Variants in MRAS observed in about 807,000 individuals in gnomAD.
MRAS encodes ras-related protein M-Ras.
Under a neutral mutation model 20.9 loss-of-function variants are expected in MRAS, and 4 were observed. The observed-to-expected ratio is 0.19, with a 90% CI of 0.09 to 0.44. The LOEUF (loss-of-function observed/expected upper bound fraction) is 0.44. MRAS is among the 20% of genes least tolerant of loss of function. The pLI, the probability that MRAS is intolerant of heterozygous loss-of-function variation, is 0.99. For missense variants in MRAS, 154 were observed against 277.5 expected (o/e 0.56, Z 3.16); for synonymous variants, 98 against 102.9 (o/e 0.95, Z 0.29).
intron 1 of MRAS, among the ~76,000 whole-genome samples, chr3:138,367,081 G>C (rs1382156245): frequency 2.0e-5 from 3 of 152,208 alleles, no homozygotes; most frequent in Admixed American, 1.3e-4. Context: ...TTGCCATTTT[G>C]TGGGGGCTGT....
chr3:138,390,565 A>G (rs1393772674), intron 2 of MRAS, among the ~76,000 whole-genome samples: 4 of 152,224 alleles, frequency 2.6e-5, no homozygotes, highest in Admixed American at 6.5e-5. Flanking sequence ...AGGCAGGATC[A>G]TAATTTCTTA....
At chr3:138,378,860 A>G (rs2054840380) in intron 2 of MRAS, among the ~76,000 whole-genome samples, 1 of 151,954 alleles carries the variant, frequency 6.6e-6, no homozygotes, top group African/African-American at 2.4e-5. Flanking sequence ...TGTACCTATT[A>G]AACACTGACT....
chr3:138,400,475 T>C (rs2055336176), intron 4 of MRAS, 59 bp from the exon 5 acceptor site: 1 of 1,493,664 alleles, frequency 6.7e-7, no homozygotes, highest in South Asian at 1.1e-5. Flanking sequence ...TTTTTAAGGG[T>C]GTAACAGGGC....
chr3:138,397,263 C>T, intron 2 of MRAS, 61 bp from the exon 3 acceptor site: 2 of 1,580,122 alleles, frequency 1.3e-6, no homozygotes, highest in Non-Finnish European at 1.7e-6. Flanking sequence ...TGGAGTCTTG[C>T]AGGCTGTGGG....
chr3:138,363,594 T>C (rs1003616460), intron 1 of MRAS, among the ~76,000 whole-genome samples: 2 of 152,128 alleles, frequency 1.3e-5, no homozygotes, highest in African/African-American at 4.8e-5. Flanking sequence ...TTGGTATCTC[T>C]AGTTCCCAGG....
intron 1 of MRAS, among the ~76,000 whole-genome samples, chr3:138,356,794 T>TGAG (rs768615622): frequency 1.2e-4 from 18 of 152,202 alleles, no homozygotes; most frequent in Non-Finnish European, 2.4e-4. Flanking sequence ...ATGCTCCTGC[T>TGAG]GAGGAAGTCC....
intron 2 of MRAS, among the ~76,000 whole-genome samples, chr3:138,382,136 G>C (rs776766741): frequency 1.6e-4 from 24 of 152,230 alleles, no homozygotes; most frequent in Non-Finnish European, 3.4e-4. Flanking sequence ...AAGCATGGCT[G>C]CTGGCCTGAG....
chr3:138,355,429 C>T (rs79364831), intron 1 of MRAS, among the ~76,000 whole-genome samples: 2,219 of 152,290 alleles, frequency 0.015, 58 homozygotes, highest in African/African-American at 0.049. Flanking sequence ...GTGAGTAAAG[C>T]TCTGCTTTTT....
chr3:138,357,878 C>T (rs1168126222), intron 1 of MRAS, among the ~76,000 whole-genome samples: 5 of 152,368 alleles, frequency 3.3e-5, no homozygotes, highest in South Asian at 2.1e-4. Context: ...TGGAGAATGT[C>T]TCTGTGGCTG....
Position 138,381,337 on chromosome 3 carries a change from G to A in MRAS, c.193+8261G>A, listed in dbSNP as rs141196405. 4.8e-3 allele frequency among the ~76,000 whole-genome samples: 726 copies of A among 152,316 alleles called. 7 individuals carry two copies. Among genetic ancestry groups the A allele is most frequent in the Admixed American group, 0.019 (298 of 15,294 alleles). ...CAATTGTGGAAACTGAGGTACAGAT[G>A]GAGAGGTCACTAGTCTAGGGTGAGA... On this transcript the variant is annotated intron_variant, in intron 2 of 5. Transcript: ENST00000423968.
intron 1 of MRAS, among the ~76,000 whole-genome samples, chr3:138,366,769 C>T (rs753384873): frequency 2.0e-4 from 31 of 152,304 alleles, no homozygotes; most frequent in African/African-American, 7.0e-4. Context: ...TAAGGGTGGG[C>T]GTTGTTGCTG....
At chr3:138,377,027 G>C (rs550138965) in intron 2 of MRAS, among the ~76,000 whole-genome samples, 1 of 152,184 alleles carries the variant, frequency 6.6e-6, no homozygotes, top group African/African-American at 2.4e-5. Flanking sequence ...GAGGAAAAAT[G>C]TTTTCCTCAA....
At chr3:138,402,062 G>A (rs996314090) in intron 5 of MRAS, 108 bp from the exon 6 acceptor site, 18 of 1,062,126 alleles carry the variant, frequency 1.7e-5, no homozygotes, top group African/African-American at 1.4e-4. Context: ...CACTAACCCC[G>A]CCAGAACAGG....
At chr3:138,366,222 C>T (rs1157109850) in intron 1 of MRAS, among the ~76,000 whole-genome samples, 1 of 152,176 alleles carries the variant, frequency 6.6e-6, no homozygotes, top group Non-Finnish European at 1.5e-5. Flanking sequence ...CCATTTCCTC[C>T]ACATGGGTTG....
intron 2 of MRAS, among the ~76,000 whole-genome samples, chr3:138,386,636 A>G (rs1166311535): frequency 1.3e-5 from 2 of 152,090 alleles, no homozygotes; most frequent in Non-Finnish European, 2.9e-5. Context: ...GGTGTGCGCC[A>G]CCACACCCAG....
intron 2 of MRAS, among the ~76,000 whole-genome samples, chr3:138,396,746 C>A (rs1012770375): frequency 6.6e-6 from 1 of 152,104 alleles, no homozygotes; most frequent in Non-Finnish European, 1.5e-5. Flanking sequence ...GGCCGCTCCT[C>A]CCCCAGGGTC....
Position 138,402,660 on chromosome 3 carries a change from A to T in MRAS, c.*391A>T. 1 of 172,988 alleles carries T rather than the reference A, an allele frequency of 5.8e-6. No homozygotes were observed. Among genetic ancestry groups the T allele is most frequent in the Admixed American group, 6.3e-5 (1 of 15,984 alleles). The allele number at this position is 172,988 out of a possible 1,614,324, so 10.7% of individuals were successfully genotyped here. On this transcript the variant is annotated 3_prime_UTR_variant, in exon 6 of 6. Coordinates refer to ENST00000423968, the MANE Select transcript of MRAS (RefSeq NM_001085049.3). ...AGCCATGAACAAGCTTCTTTCCCTTACCCCCCATCCACAATGTCTGAGCTT... is the reference window on the plus strand; with the variant it reads ...AGCCATGAACAAGCTTCTTTCCCTTTCCCCCCATCCACAATGTCTGAGCTT...
chr3:138,404,075 C>G lies in MRAS; in HGVS notation c.*1806C>G, dbSNP rs2055410673. On this transcript the variant is annotated 3_prime_UTR_variant, in exon 6 of 6. Transcript: ENST00000423968. ...AAAAGGAAGGATAAGAGAGAACATTCCAGGTGAGGCACTTCAAAGTTTCCT... is the reference window on the plus strand; with the variant it reads ...AAAAGGAAGGATAAGAGAGAACATTGCAGGTGAGGCACTTCAAAGTTTCCT... 6.6e-6 allele frequency: 1 copy of G among 152,324 alleles called. No homozygotes were observed. The highest frequency in any genetic ancestry group is 3.4e-3 in the Middle Eastern group (1 of 294). 9.4% of individuals were successfully genotyped at this position (152,324 alleles called of 1,614,324 possible).
chr3:138,353,420 G>A (rs2054268285), intron 1 of MRAS, among the ~76,000 whole-genome samples: 2 of 152,122 alleles, frequency 1.3e-5, no homozygotes, highest in Admixed American at 1.3e-4. Context: ...TTAGGGGTGT[G>A]TCTTTGACTT....
Sources: allele counts gnomAD v4.1 joint callset (sites outside exome capture counted in the v4.1 genomes callset), GRCh38; gene constraint gnomAD v4.1.1; transcripts MANE v1.5; gene names NCBI Gene and HGNC (gene_info 2026-07-23, HGNC 2026-07-21).